Variants in ZNF83 observed in about 807,000 individuals in gnomAD.
The protein encoded by ZNF83 is zinc finger protein 83, also known as zinc finger protein 816B.
For missense variants in ZNF83, 552 were observed against 629.9 expected, an observed-to-expected ratio of 0.88 and a Z score of 1.32; for synonymous variants, 209 against 213.0, an observed-to-expected ratio of 0.98 and a Z score of 0.17.
chr19:52,645,315 A>G (rs2061358076), intron 3 of ZNF83, among the ~76,000 whole-genome samples: 1 of 152,212 alleles, frequency 6.6e-6, no homozygotes, highest in African/African-American at 2.4e-5. Flanking sequence ...ACTAGAAAGC[A>G]TGCACATCTC....
intron 2 of ZNF83, among the ~76,000 whole-genome samples, chr19:52,621,448 C>T (rs1173326610): frequency 6.6e-6 from 1 of 152,174 alleles, no homozygotes; most frequent in African/African-American, 2.4e-5. Flanking sequence ...ACAGTCTTCC[C>T]TTGGTGTTTA....
intron 2 of ZNF83, among the ~76,000 whole-genome samples, chr19:52,623,224 C>A (rs1000527490): frequency 6.6e-6 from 1 of 152,218 alleles, no homozygotes; most frequent in Non-Finnish European, 1.5e-5. Flanking sequence ...TGAAGACTGT[C>A]ACTGCCCAAT....
rs373346017 is a variant in ZNF83, at chr19:52,646,380, AAAC to A, written c.-74+9178_-74+9180del. Among the ~76,000 whole-genome samples, 79 of 152,172 alleles carry A rather than the reference AAAC, an allele frequency of 5.2e-4. 1 individual carries two copies. Among genetic ancestry groups the A allele is most frequent in the Admixed American group, 2.0e-3 (30 of 15,270 alleles). ...GGAAACAGTGAAATCCCATTTCTCC[AAAC>A]AACAACAACAACAAAACTAGCTGGG... is the stretch of plus-strand genomic sequence containing the variant. On this transcript the variant is annotated intron_variant, in intron 3 of 5. Coordinates refer to the ZNF83 transcript ENST00000594682.
At chr19:52,644,985 G>C (rs1248375204) in intron 3 of ZNF83, among the ~76,000 whole-genome samples, 1 of 148,600 alleles carries the variant, frequency 6.7e-6, no homozygotes, top group Non-Finnish European at 1.5e-5. Flanking sequence ...ACTCCAGTCT[G>C]GGCAACAAGA....
chr19:52,614,516 G>A, exon 3 of ZNF83: 1 of 1,602,630 alleles, frequency 6.2e-7, no homozygotes. Context: ...TTTAATCCAA[G>A]CTGATTTTTA....
chr19:52,638,573 G>A (rs928639296), upstream of ZNF83, among the ~76,000 whole-genome samples: 1 of 152,252 alleles, frequency 6.6e-6, no homozygotes, highest in Non-Finnish European at 1.5e-5. Flanking sequence ...CAGGAAGGCT[G>A]AGGCATGATT....
intron 2 of ZNF83, among the ~76,000 whole-genome samples, chr19:52,623,955 AACTC>A (rs1422111174): frequency 6.6e-6 from 1 of 151,954 alleles, no homozygotes; most frequent in African/African-American, 2.4e-5. Flanking sequence ...TGCCCTCCAC[AACTC>A]ACTATTCCAT....
intron 3 of ZNF83, chr19:52,654,205 G>T: frequency 6.3e-7 from 1 of 1,592,122 alleles, no homozygotes. Flanking sequence ...TTTGATTTTT[G>T]TCATGGGTGC....
chr19:52,612,794 A>G (rs965970823), exon 3 of ZNF83: 7 of 453,954 alleles, frequency 1.5e-5, no homozygotes, highest in Non-Finnish European at 2.7e-5. Context: ...CTCACCAGCA[A>G]GAATTCTTTG....
intron 1 of ZNF83, among the ~76,000 whole-genome samples, chr19:52,687,770 AGAG>A (rs1258540208): frequency 3.4e-5 from 5 of 147,420 alleles, no homozygotes; most frequent in African/African-American, 1.3e-4. Context: ...GGCTGCAGTT[AGAG>A]GAGATCACGC....
At chr19:52,687,588 A>G (rs865844430) in intron 1 of ZNF83, among the ~76,000 whole-genome samples, 1 of 44,014 alleles carries the variant, frequency 2.3e-5, no homozygotes, top group African/African-American at 2.9e-4. Context: ...TTATATATAT[A>G]TATATATAAT....
upstream of ZNF83, among the ~76,000 whole-genome samples, chr19:52,638,622 A>G (rs1433132984): frequency 3.3e-5 from 5 of 152,366 alleles, no homozygotes; most frequent in South Asian, 2.1e-4. Context: ...GATGCAAACT[A>G]GAATGTGAAA....
chr19:52,642,946 C>T (rs1437584590), upstream of ZNF83, among the ~76,000 whole-genome samples: 6 of 152,100 alleles, frequency 3.9e-5, no homozygotes, highest in Non-Finnish European at 7.3e-5. Flanking sequence ...TACTTGAGGT[C>T]AGGAGTGCAA....
intron 1 of ZNF83, chr19:52,674,395 C>G (rs2061770698): frequency 6.6e-6 from 1 of 152,184 alleles, no homozygotes; most frequent in African/African-American, 2.4e-5. Context: ...CTCACCCTTT[C>G]TATTCAATCA....
At chr19:52,613,380 A>G (rs2060175250) in exon 3 of ZNF83, 8 of 1,613,380 alleles carry the variant, frequency 5.0e-6, no homozygotes, top group East Asian at 2.2e-5. Flanking sequence ...TCTCTCCAGT[A>G]TGGATTCTGT....
At chr19:52,657,095 G>C (rs2061516245) in intron 2 of ZNF83, among the ~76,000 whole-genome samples, 1 of 151,700 alleles carries the variant, frequency 6.6e-6, no homozygotes, top group African/African-American at 2.4e-5. Flanking sequence ...CAGCCTGGGG[G>C]ACACAGCGAG....
chr19:52,681,851 A>G (rs1302620181), intron 1 of ZNF83, among the ~76,000 whole-genome samples: 1 of 152,094 alleles, frequency 6.6e-6, no homozygotes, highest in Non-Finnish European at 1.5e-5. Context: ...AATCCTTCTT[A>G]CTATTTTTCC....
Position 52,614,352 on chromosome 19 carries a change from A to C in ZNF83, c.213T>G (p.Tyr71Ter). The change falls in exon 3 of 3, where the codon TAT becomes TAG. Residue 71 changes from tyrosine (Y) to a stop codon, truncating the protein, a stop_gained. Coordinates refer to ENST00000301096, the Ensembl canonical transcript of ZNF83. LOFTEE classifies it low-confidence loss of function (END_TRUNC). ...ATAATGAATCCACAAAATTACATTC[A>C]TATGTATGAGAAATGTGGGTTTTGA... is the stretch of plus-strand genomic sequence containing the variant. 1 of 1,612,744 alleles carries C rather than the reference A, an allele frequency of 6.2e-7. No individual in the cohort carries two copies. The highest frequency in any genetic ancestry group is 1.1e-5 in the South Asian group (1 of 91,046).
In ZNF83 at chr19:52,613,677, C is replaced by T. The variant is rs1389895949; in HGVS notation, c.888G>A (p.Lys296=). 1.9e-6 allele frequency: 3 copies of T among 1,613,144 alleles called. 1 individual carries two copies. In the East Asian group the frequency reaches 6.7e-5, roughly 36 times the overall value. Reference sequence around the variant, plus strand: ...CTAGGGATGACTTGTGACTGAAGACCTTGCCACACTCATTACATTTGTAAG... The same window carrying T: ...CTAGGGATGACTTGTGACTGAAGACTTTGCCACACTCATTACATTTGTAAG... The change falls in exon 3 of 3, where the codon AAG becomes AAA. Residue 296 remains lysine, a synonymous_variant. Transcript: ENST00000301096.
Sources: allele counts gnomAD v4.1 joint callset (sites outside exome capture counted in the v4.1 genomes callset), GRCh38; gene constraint gnomAD v4.1.1; transcripts MANE v1.5; gene names NCBI Gene and HGNC (gene_info 2026-07-23, HGNC 2026-07-21).